Variants in CDH13 observed in about 807,000 individuals in gnomAD.
CDH13 encodes cadherin-13.
A neutral mutation model predicts 63.8 loss-of-function variants in CDH13; 24 were observed. The observed-to-expected ratio is 0.38, with a 90% CI of 0.27 to 0.53. CDH13 has a LOEUF of 0.53. Ranked by LOEUF, CDH13 falls within the 20% of genes least tolerant of loss-of-function variation. CDH13 has a pLI of 0.85. For missense variants in CDH13, 1,049 were observed against 903.1 expected (o/e 1.16, Z -2.07); for synonymous variants, 503 against 355.3 (o/e 1.42, Z -4.67).
intron 7 of CDH13, among the ~76,000 whole-genome samples, chr16:83,586,854 T>TAA (rs1459940624): frequency 2.0e-5 from 3 of 152,206 alleles, no homozygotes; most frequent in Non-Finnish European, 4.4e-5. Context: ...GGACAACAGC[T>TAA]GTGGTGTAAC....
At chr16:82,870,315 A>T (rs1357150022) in intron 2 of CDH13, among the ~76,000 whole-genome samples, 1 of 152,162 alleles carries the variant, frequency 6.6e-6, no homozygotes, top group African/African-American at 2.4e-5. Flanking sequence ...ACGGGCAATC[A>T]TGAGTGCTGG....
At chr16:83,315,332 A>G (rs1212184487) in intron 5 of CDH13, among the ~76,000 whole-genome samples, 1 of 152,230 alleles carries the variant, frequency 6.6e-6, no homozygotes, top group African/African-American at 2.4e-5. Context: ...TAATTCCACT[A>G]AACTCTGATG....
intron 8 of CDH13, among the ~76,000 whole-genome samples, chr16:83,637,208 C>A (rs1245164290): frequency 7.2e-5 from 11 of 152,092 alleles, no homozygotes; most frequent in African/African-American, 2.4e-4. Flanking sequence ...TTGTAAACAA[C>A]ATTAAAATAT....
intron 7 of CDH13, among the ~76,000 whole-genome samples, chr16:83,569,993 C>T (rs1323685292): frequency 6.6e-6 from 1 of 152,156 alleles, no homozygotes; most frequent in Non-Finnish European, 1.5e-5. Flanking sequence ...CCTTGGCCTC[C>T]CAAAGTGCTT....
intron 2 of CDH13, among the ~76,000 whole-genome samples, chr16:82,977,337 C>T (rs941194908): frequency 6.6e-6 from 1 of 152,132 alleles, no homozygotes; most frequent in Non-Finnish European, 1.5e-5. Context: ...AGTCATTTTA[C>T]CATCAGCATT....
chr16:83,608,493 T>G (rs1456878992), intron 8 of CDH13, among the ~76,000 whole-genome samples: 1 of 152,042 alleles, frequency 6.6e-6, no homozygotes, highest in South Asian at 2.1e-4. Context: ...CATTTTTTGT[T>G]TTTTGAGACA....
chr16:83,794,477 C>T (rs977275264), intron 13 of CDH13, among the ~76,000 whole-genome samples: 2 of 152,098 alleles, frequency 1.3e-5, no homozygotes, highest in Non-Finnish European at 2.9e-5. Flanking sequence ...CGCTTGAGCC[C>T]AGGAGGCAGG....
intron 4 of CDH13, among the ~76,000 whole-genome samples, chr16:83,158,143 C>G (rs1055220254): frequency 2.6e-5 from 4 of 152,040 alleles, no homozygotes; most frequent in African/African-American, 9.7e-5. Context: ...GGAAGAGTCC[C>G]TTCCTGAATC....
chr16:82,882,200 C>T (rs534853154), intron 2 of CDH13, among the ~76,000 whole-genome samples: 1 of 152,272 alleles, frequency 6.6e-6, no homozygotes, highest in South Asian at 2.1e-4. Context: ...ATAAAGCACA[C>T]AAGTGTCACA....
intron 2 of CDH13, among the ~76,000 whole-genome samples, chr16:82,864,214 A>C (rs2151176862): frequency 6.6e-6 from 1 of 152,242 alleles, no homozygotes; most frequent in Admixed American, 6.5e-5. Flanking sequence ...TTGTTTCTGA[A>C]GAGGCAGGGG....
At chr16:83,432,242 C>A (rs2072141138) in intron 6 of CDH13, among the ~76,000 whole-genome samples, 1 of 152,120 alleles carries the variant, frequency 6.6e-6, no homozygotes, top group South Asian at 2.1e-4. Context: ...AATGAATTAC[C>A]AACATGAGCT....
rs756020883 is a variant in CDH13, at chr16:83,125,368, T to A, written c.367-17T>A. 6.8e-6 allele frequency: 9 copies of A among 1,328,804 alleles called. No homozygotes were observed. Among genetic ancestry groups the A allele is most frequent in the Non-Finnish European group, 9.8e-6 (9 of 922,668 alleles). The allele number at this position is 1,328,804 out of a possible 1,614,324, so 82.3% of individuals were successfully genotyped here. A position where few individuals can be genotyped will look rare whatever the true frequency, so the allele number is the denominator to read the frequency against. On this transcript the variant is annotated splice_polypyrimidine_tract_variant and intron_variant, in intron 3 of 13. Coordinates refer to ENST00000567109, the MANE Select transcript of CDH13 (RefSeq NM_001257.5). ...TCAATGGGAGATTTTAATCAATCCT[T>A]TTGTTTTCCCTTTTAGGATATATTT...
chr16:83,244,309 A>T (rs1445043577), intron 5 of CDH13, among the ~76,000 whole-genome samples: 1 of 152,178 alleles, frequency 6.6e-6, no homozygotes, highest in Non-Finnish European at 1.5e-5. Flanking sequence ...TTTAACAAAC[A>T]TCTAGTGATG....
At position 82,644,317 on chromosome 16, in the gene CDH13, G is replaced by A. The variant is rs773077287; in HGVS notation, c.45+17180G>A. Among the ~76,000 whole-genome samples, 38 of 151,986 alleles carry A rather than the reference G, an allele frequency of 2.5e-4. No individual in the cohort carries two copies. Among genetic ancestry groups the A allele is most frequent in the Middle Eastern group, 3.4e-3 (1 of 294 alleles). ...ATCACTCTGCAAATCAAGGCCCCCC[G>A]AACTCCTCCCACCCCTGCCTTCTGC... is the stretch of plus-strand genomic sequence containing the variant. On this transcript the variant is annotated intron_variant, in intron 1 of 13. Coordinates refer to ENST00000567109, the MANE Select transcript of CDH13 (RefSeq NM_001257.5). This position sits in a 1 kb window ranked among gnomAD's most constrained non-coding sequence, Gnocchi z 5.7.
chr16:83,769,720 T>G (rs1266153081), intron 11 of CDH13, among the ~76,000 whole-genome samples: 2 of 151,964 alleles, frequency 1.3e-5, no homozygotes, highest in Non-Finnish European at 2.9e-5. Flanking sequence ...GAAGTGGGAG[T>G]TCCGTGGAGA....
intron 6 of CDH13, among the ~76,000 whole-genome samples, chr16:83,462,244 G>A (rs1378520833): frequency 6.6e-6 from 1 of 152,222 alleles, no homozygotes; most frequent in South Asian, 2.1e-4. Context: ...CTTAGCCCCT[G>A]GGAAAGGGAA....
chr16:82,745,064 GGTTAGA>G (rs1459861751), intron 1 of CDH13, among the ~76,000 whole-genome samples: 1 of 152,144 alleles, frequency 6.6e-6, no homozygotes, highest in African/African-American at 2.4e-5. Flanking sequence ...ATCAGCAAAA[GGTTAGA>G]GTTCAGATTA....
chr16:83,011,372 C>G (rs1458063057), intron 2 of CDH13, among the ~76,000 whole-genome samples: 1 of 152,100 alleles, frequency 6.6e-6, no homozygotes, highest in Non-Finnish European at 1.5e-5. Flanking sequence ...AAATATAAAC[C>G]AGACCTCATG....
At position 83,800,300 on chromosome 16, in the gene CDH13, A is replaced by G. The variant is rs543146559; in HGVS notation, c.*5270A>G. ...CTTTAGAGAGTACTAAAGCCATTCTATATCTGTCGTACACATGAATTCAGA... is the reference window on the plus strand; with the variant it reads ...CTTTAGAGAGTACTAAAGCCATTCTGTATCTGTCGTACACATGAATTCAGA... On this transcript the variant is annotated 3_prime_UTR_variant, in exon 14 of 14. Transcript: ENST00000567109. 2.5e-4 allele frequency: 38 copies of G among 152,318 alleles called. 1 individual carries two copies. In the South Asian group the frequency reaches 7.7e-3, roughly 31 times the overall value. The allele number at this position is 152,318 out of a possible 1,614,324, so 9.4% of individuals were successfully genotyped here. A position where few individuals can be genotyped will look rare whatever the true frequency, so the allele number is the denominator to read the frequency against.
Sources: gnomAD v4.1 joint callset for allele counts (sites outside exome capture counted in the v4.1 genomes callset) on GRCh38, gnomAD v4.1.1 for gene constraint, Gnocchi (gnomAD v3.1) non-coding constraint, MANE v1.5 for transcripts, NCBI Gene and HGNC (gene_info 2026-07-23, HGNC 2026-07-21) for gene names.